Variants in ZNF300 observed in about 807,000 individuals in gnomAD.
ZNF300 encodes the protein zinc finger protein 300.
ZNF300 carries 6 observed loss-of-function variants against 13.9 expected under a neutral mutation model. The observed-to-expected ratio is 0.43, with a 90% CI of 0.24 to 0.85. ZNF300 has a LOEUF of 0.85. Ranked by LOEUF, ZNF300 falls within the 40% of genes least tolerant of loss-of-function variation. The pLI is 0.25. For synonymous variants in ZNF300, 237 were observed against 242.2 expected, an observed-to-expected ratio of 0.98 and a Z score of 0.20; for missense variants, 662 against 714.2, an observed-to-expected ratio of 0.93 and a Z score of 0.83.
rs989307187 is a variant in ZNF300, at chr5:150,896,673, G to T, written c.566C>A (p.Ala189Asp). The stretch of plus-strand genomic sequence containing the variant: ...ATTTGGTTTTAAGTTCTTTTTAAAA[G>T]CATCATATTTATGGAATCTCTGTAT... The part of the protein sequence containing the change: ...ISIQRFHKYD[A>D]FKKNLKPNID... The change falls in exon 6 of 6, where the codon GCT becomes GAT. Residue 189 changes from alanine to aspartate, a missense_variant. Physicochemically the swap from Ala to Asp is moderately radical, Grantham distance 126. Coordinates refer to ENST00000274599, the MANE Select transcript of ZNF300 (RefSeq NM_052860.4). 1.9e-6 allele frequency: 3 copies of T among 1,613,278 alleles called. No individual in the cohort carries two copies. The highest frequency in any genetic ancestry group is 2.7e-5 in the African/African-American group (2 of 74,856).
Position 150,896,932 on chromosome 5 carries a change from C to G in ZNF300, c.307G>C (p.Gly103Arg). 6.2e-7 allele frequency: 1 copy of G among 1,612,970 alleles called. No individual in the cohort carries two copies. ...NLHNSQSCIL[G>R]TVSFHHKILK... Reference sequence around the variant, plus strand: ...ATCTTATGATGGAAGGAAACTGTCCCCAAAATACATGACTGGGAGTTGTGA... The same window carrying G: ...ATCTTATGATGGAAGGAAACTGTCCGCAAAATACATGACTGGGAGTTGTGA... Residue 103 changes from glycine (G) to arginine (R), a missense_variant, in exon 6 of 6, where the codon GGG (glycine) becomes CGG (arginine). Gly to Arg is a moderately radical substitution (Grantham distance 125). Transcript: ENST00000274599.
intron 5 of ZNF300, 195 bp from the exon 6 acceptor site, chr5:150,897,168 C>A: frequency 2.3e-6 from 1 of 442,618 alleles, no homozygotes; most frequent in Non-Finnish European, 3.9e-6. Context: ...CAGAAATATT[C>A]ATGTAAAAAC....
Sources: gnomAD v4.1 joint callset for allele counts on GRCh38, gnomAD v4.1.1 for gene constraint, MANE v1.5 for transcripts, NCBI Gene and HGNC (gene_info 2026-07-23, HGNC 2026-07-21) for gene names.